PARD3: variants seen among roughly 807,000 people sequenced by gnomAD.
PARD3 encodes the protein par-3 family cell polarity regulator, also known as partitioning defective 3 homolog.
PARD3 carries 75 observed loss-of-function variants against 155.4 expected under a neutral mutation model. The observed-to-expected ratio is 0.48, with a 90% confidence interval of 0.40 to 0.58. The LOEUF is 0.58. Ranked by LOEUF, PARD3 falls within the 20% of genes least tolerant of loss-of-function variation. The probability of loss-of-function intolerance (pLI) is 0.00; values close to 1 mark genes in which losing one functional copy is unlikely to be tolerated. For missense variants in PARD3, 1,642 were observed against 1,721.7 expected, an observed-to-expected ratio of 0.95 and a Z score of 0.82; for synonymous variants, 576 against 610.5, an observed-to-expected ratio of 0.94 and a Z score of 0.83.
intron 22 of PARD3, among the ~76,000 whole-genome samples, chr10:34,181,255 C>A (rs189276175): frequency 1.3e-5 from 2 of 152,260 alleles, no homozygotes; most frequent in East Asian, 3.9e-4. Context: ...GTGCAAAGAC[C>A]AATGACAACA....
chr10:34,238,084 T>C (rs1953351959), intron 22 of PARD3, among the ~76,000 whole-genome samples: 1 of 152,194 alleles, frequency 6.6e-6, no homozygotes, highest in Admixed American at 6.5e-5. Context: ...GTACTCCACC[T>C]CTAGCCATTG....
In PARD3 at chr10:34,303,471, C is replaced by CAAA. The variant is rs10647298; in HGVS notation, c.3065+13633_3065+13635dup. 1.2e-3 allele frequency among the ~76,000 whole-genome samples: 169 copies of CAAA among 146,754 alleles called. 1 individual carries two copies. The highest frequency in any genetic ancestry group is 2.4e-3 in the East Asian group (12 of 4,992). On this transcript the variant is annotated intron_variant, in intron 20 of 24. Coordinates refer to ENST00000374788, the MANE Select transcript of PARD3 (RefSeq NM_001184785.2). ...GACACTGAGCTTAAGACCTCCATTC[C>CAAA]AAAAAAAAAAGGAAAATATTTTTAC...
chr10:34,708,169 A>T (rs1341601548), intron 1 of PARD3, among the ~76,000 whole-genome samples: 4 of 152,188 alleles, frequency 2.6e-5, no homozygotes, highest in African/African-American at 9.6e-5. Flanking sequence ...GAACCAAGGT[A>T]AACAATACCA....
intron 22 of PARD3, among the ~76,000 whole-genome samples, chr10:34,227,560 C>T (rs1372477235): frequency 6.6e-6 from 1 of 152,138 alleles, no homozygotes; most frequent in Non-Finnish European, 1.5e-5. Context: ...AGCGCTTGAA[C>T]CCGGGAGGCA....
At chr10:34,207,857 A>C (rs1380132122) in intron 22 of PARD3, among the ~76,000 whole-genome samples, 1 of 152,226 alleles carries the variant, frequency 6.6e-6, no homozygotes. Flanking sequence ...TAGAAAACCC[A>C]GAATGACTGA....
intron 15 of PARD3, chr10:34,345,440 C>A: frequency 1.0e-6 from 1 of 985,268 alleles, no homozygotes; most frequent in Non-Finnish European, 1.2e-6. Flanking sequence ...AATTTCAATA[C>A]AAAGTTCCTT....
intron 12 of PARD3, among the ~76,000 whole-genome samples, chr10:34,369,270 G>A (rs1047077348): frequency 4.0e-5 from 6 of 151,844 alleles, no homozygotes; most frequent in African/African-American, 1.5e-4. Context: ...TCCTACCTAA[G>A]CTTTCTGAAA....
chr10:34,705,666 T>C (rs573872881), intron 1 of PARD3, among the ~76,000 whole-genome samples: 323 of 152,158 alleles, frequency 2.1e-3, no homozygotes, highest in Non-Finnish European at 3.6e-3. Flanking sequence ...ATGACCTGTA[T>C]CACCACAAGG....
At chr10:34,613,889 AGCTACGAATTTATCATCTATT>A (rs2091077226) in intron 2 of PARD3, among the ~76,000 whole-genome samples, 1 of 152,192 alleles carries the variant, frequency 6.6e-6, no homozygotes, top group Non-Finnish European at 1.5e-5. Context: ...TTGCATCACA[AGCTACGAATTTATCATCTATT>A]GTCAGCAAAT....
intron 3 of PARD3, among the ~76,000 whole-genome samples, chr10:34,475,846 G>A (rs944616689): frequency 6.6e-6 from 1 of 152,066 alleles, no homozygotes; most frequent in Non-Finnish European, 1.5e-5. Context: ...ACAGTGACAG[G>A]CTTGTGTCAC....
chr10:34,358,094 T>TAA (rs1839078103), intron 14 of PARD3, among the ~76,000 whole-genome samples: 1 of 152,216 alleles, frequency 6.6e-6, no homozygotes, highest in Non-Finnish European at 1.5e-5. Flanking sequence ...AATCTGAACA[T>TAA]TGATTTAAGA....
intron 2 of PARD3, among the ~76,000 whole-genome samples, chr10:34,659,272 T>C (rs2093262169): frequency 6.6e-6 from 1 of 152,084 alleles, no homozygotes; most frequent in South Asian, 2.1e-4. Flanking sequence ...TTTCTAAGGG[T>C]TTTGTTCCCA....
intron 20 of PARD3, among the ~76,000 whole-genome samples, chr10:34,299,077 A>G (rs991858617): frequency 4.6e-5 from 7 of 152,200 alleles, no homozygotes; most frequent in African/African-American, 1.4e-4. Flanking sequence ...TCTTCAGATC[A>G]ATACCTAACT....
chr10:34,589,075 TAG>T (rs890165531), intron 2 of PARD3, among the ~76,000 whole-genome samples: 10 of 151,764 alleles, frequency 6.6e-5, no homozygotes, highest in Non-Finnish European at 1.0e-4. Flanking sequence ...TATGTATACA[TAG>T]AGAGAGAGAG....
chr10:34,663,358 C>T (rs1488093182), intron 2 of PARD3, among the ~76,000 whole-genome samples: 5 of 151,924 alleles, frequency 3.3e-5, no homozygotes, highest in African/African-American at 7.3e-5. Flanking sequence ...CTTAGCTACT[C>T]GGGAGGCTGA....
At chr10:34,189,748 A>G (rs12772584) in intron 22 of PARD3, among the ~76,000 whole-genome samples, 5,415 of 152,292 alleles carry the variant, frequency 0.036, 102 homozygotes, top group Non-Finnish European at 0.041. Flanking sequence ...CACTTTTCCC[A>G]AAAAAGGACA....
intron 1 of PARD3, among the ~76,000 whole-genome samples, chr10:34,752,080 A>G (rs934675262): frequency 2.6e-5 from 4 of 152,032 alleles, no homozygotes; most frequent in African/African-American, 7.3e-5. Flanking sequence ...TGCTTTTCTC[A>G]GTACATGATA....
intron 23 of PARD3, among the ~76,000 whole-genome samples, chr10:34,130,278 C>T (rs1947536891): frequency 6.6e-6 from 1 of 152,158 alleles, no homozygotes; most frequent in Non-Finnish European, 1.5e-5. Flanking sequence ...CTTCCTTGAG[C>T]TATACTTGCC....
At chr10:34,356,209 A>G (rs1424171613) in intron 14 of PARD3, among the ~76,000 whole-genome samples, 1 of 152,134 alleles carries the variant, frequency 6.6e-6, no homozygotes, top group East Asian at 1.9e-4. Flanking sequence ...AGGGAAATAC[A>G]GGGCTTTAAC....
Sources: gnomAD v4.1 joint callset for allele counts (sites outside exome capture counted in the v4.1 genomes callset) on GRCh38, gnomAD v4.1.1 for gene constraint, MANE v1.5 for transcripts, NCBI Gene and HGNC (gene_info 2026-07-23, HGNC 2026-07-21) for gene names.